Variants in BAZ2B observed in about 807,000 individuals in gnomAD.
BAZ2B encodes bromodomain adjacent to zinc finger domain 2B.
Under a neutral mutation model 246.0 loss-of-function variants are expected in BAZ2B, and 91 were observed. The observed-to-expected ratio is 0.37, with a 90% CI of 0.31 to 0.44. BAZ2B has a LOEUF of 0.44. BAZ2B is among the 20% of genes least tolerant of loss of function. BAZ2B has a pLI of 1.00. For missense variants in BAZ2B, 2,332 were observed against 2,533.7 expected (o/e 0.92, Z 1.71); for synonymous variants, 855 against 860.0 (o/e 0.99, Z 0.10).
intron 13 of BAZ2B, among the ~76,000 whole-genome samples, chr2:159,427,103 G>A (rs777122010): frequency 6.6e-6 from 1 of 152,076 alleles, no homozygotes; most frequent in Non-Finnish European, 1.5e-5. Flanking sequence ...AGATAACAAA[G>A]TGGATGGAAA....
At chr2:159,527,357 T>C (rs1438061575) in intron 2 of BAZ2B, among the ~76,000 whole-genome samples, 1 of 152,230 alleles carries the variant, frequency 6.6e-6, no homozygotes, top group Non-Finnish European at 1.5e-5. Context: ...AAGAGTCCTT[T>C]GTCAGATAAG....
In BAZ2B at chr2:159,337,612, A is replaced by G; in HGVS notation, c.5615T>C (p.Ile1872Thr). The G allele has an allele frequency of 2.5e-6, 4 of 1,614,180 alleles. No homozygotes were observed. The highest frequency in any genetic ancestry group is 2.5e-6 in the Non-Finnish European group (3 of 1,180,020). ...LERKSDNPLDIAVTRLADLER... is the reference protein window; with the variant it reads ...LERKSDNPLDTAVTRLADLER... ...CAAATCAGCCAGCCTGGTTACAGCT[A>G]TATCTAGGGGGTTGTCACTCTTCCG... Residue 1872 changes from isoleucine (I) to threonine (T), a missense_variant, in exon 32 of 37, where the codon ATA (isoleucine) becomes ACA (threonine). Ile to Thr is a moderately conservative substitution (Grantham distance 89). This residue lies in a region of BAZ2B where 8 missense variants were observed against 26.8 expected (regional missense o/e 0.30). Coordinates refer to ENST00000392783, the MANE Select transcript of BAZ2B (RefSeq NM_013450.4).
In BAZ2B at chr2:159,363,419, G is replaced by A. The variant is rs561784279; in HGVS notation, c.4213+9626C>T. On this transcript the variant is annotated intron_variant, in intron 27 of 36. Transcript: ENST00000392783. ...TTGGTGCAGAGAATGTTGGATGACC[G>A]AATCAGAGCAGGTCCTCCTAAGTGG... Among the ~76,000 whole-genome samples the A allele has an allele frequency of 9.9e-5, 15 of 152,276 alleles. 1 individual carries two copies. In the South Asian group the frequency reaches 2.9e-3, roughly 29 times the overall value.
chr2:159,375,152 G>C (rs1176690593), intron 25 of BAZ2B, among the ~76,000 whole-genome samples: 1 of 152,138 alleles, frequency 6.6e-6, no homozygotes, highest in Non-Finnish European at 1.5e-5. Context: ...AGGCTGCAGT[G>C]AGCTATGATC....
Position 159,332,698 on chromosome 2 carries a change from G to GA in BAZ2B, c.5797-13dup. ...CAGATTTGGCAGTACTATAATACAT[G>GA]AAAAATCATTTAAAATTAACGCTCT... On this transcript the variant is annotated splice_polypyrimidine_tract_variant and intron_variant, in intron 33 of 36. Transcript: ENST00000392783. 5 of 1,611,360 alleles carry GA rather than the reference G, an allele frequency of 3.1e-6. No homozygotes were observed. The highest frequency in any genetic ancestry group is 1.7e-4 in the Middle Eastern group (1 of 6,036).
At chr2:159,373,222 G>C in intron 26 of BAZ2B, 33 bp from the exon 27 acceptor site, 1 of 1,577,810 alleles carries the variant, frequency 6.3e-7, no homozygotes, top group Non-Finnish European at 8.6e-7. Context: ...AATTAGGTTT[G>C]GGATGTTAAA....
chr2:159,534,096 G>C (rs1391700172), intron 2 of BAZ2B, among the ~76,000 whole-genome samples: 1 of 152,102 alleles, frequency 6.6e-6, no homozygotes, highest in Non-Finnish European at 1.5e-5. Context: ...TAAAAACCTT[G>C]TATCTATTCC....
chr2:159,495,356 G>A (rs1440664407), intron 2 of BAZ2B, among the ~76,000 whole-genome samples: 2 of 148,766 alleles, frequency 1.3e-5, no homozygotes, highest in Admixed American at 6.7e-5. Context: ...GTAGTGGCGG[G>A]CGCCTGTAGT....
chr2:159,669,141 A>G, the BAZ2B span, among the ~76,000 whole-genome samples: 1 of 152,016 alleles, frequency 6.6e-6, no homozygotes, highest in African/African-American at 2.4e-5. Context: ...TCAAGTTTTG[A>G]TCTGTTGTAT....
At chr2:159,338,574 CA>C (rs2066061966) in intron 31 of BAZ2B, among the ~76,000 whole-genome samples, 1 of 152,258 alleles carries the variant, frequency 6.6e-6, no homozygotes, top group East Asian at 1.9e-4. Flanking sequence ...CAAAATCCTT[CA>C]AAGATTTCCT....
At chr2:159,349,526 A>T (rs751438113) in intron 28 of BAZ2B, among the ~76,000 whole-genome samples, 182 bp downstream of exon 28, 11 of 152,250 alleles carry the variant, frequency 7.2e-5, no homozygotes, top group Non-Finnish European at 1.0e-4. Flanking sequence ...GAAGACTTAG[A>T]CAAAGTCTAG....
intron 1 of BAZ2B, among the ~76,000 whole-genome samples, chr2:159,566,765 ATTT>A (rs982252243): frequency 1.3e-5 from 2 of 152,182 alleles, no homozygotes; most frequent in African/African-American, 2.4e-5. Context: ...ACACATTTGC[ATTT>A]TTAACTTTTC....
chr2:159,458,901 G>A (rs2076099811), intron 3 of BAZ2B: 1 of 152,044 alleles, frequency 6.6e-6, no homozygotes, highest in South Asian at 2.1e-4. Flanking sequence ...GATCTTTGAG[G>A]CAAAAACTGC....
In BAZ2B at chr2:159,497,845, C is replaced by T. The variant is rs572884360; in HGVS notation, c.-2-19124G>A. Among the ~76,000 whole-genome samples, 11 of 152,278 alleles carry T rather than the reference C, an allele frequency of 7.2e-5. No individual in the cohort carries two copies. The East Asian group carries it at 1.9e-3, about 27-fold the overall frequency. On this transcript the variant is annotated intron_variant, in intron 2 of 36. Coordinates refer to ENST00000392783, the MANE Select transcript of BAZ2B (RefSeq NM_013450.4). ...TGATGCTTGTCTTTTCTCATGTTCA[C>T]TCATGCTACTTACACCACTGAGACA...
At chr2:159,595,211 T>C (rs1011454144) in intron 1 of BAZ2B, among the ~76,000 whole-genome samples, 1 of 152,088 alleles carries the variant, frequency 6.6e-6, no homozygotes, top group Non-Finnish European at 1.5e-5. Context: ...CAAGCGATTC[T>C]CCTGCCTCAT....
intron 25 of BAZ2B, 89 bp from the exon 26 acceptor site, chr2:159,374,842 C>T: frequency 8.8e-7 from 1 of 1,130,786 alleles, no homozygotes; most frequent in Non-Finnish European, 1.3e-6. Flanking sequence ...CCTATAGGCA[C>T]TGCGGAAAGG....
rs1485391847 is a variant in BAZ2B at position 159,552,771 on chromosome 2, C to A, written c.-3+3052G>T. On this transcript the variant is annotated intron_variant, in intron 2 of 36. Coordinates refer to ENST00000392783, the MANE Select transcript of BAZ2B (RefSeq NM_013450.4). ...TTGCCAACAAACATTTGCTGAGTAT[C>A]GTAAGATGTGTATTAAAATAAGTAC... 4.6e-5 allele frequency among the ~76,000 whole-genome samples: 7 copies of A among 152,048 alleles called. 1 individual carries two copies. In the South Asian group the frequency reaches 1.5e-3, roughly 32 times the overall value.
At chr2:159,327,621 A>G (rs1399453389) in intron 34 of BAZ2B, among the ~76,000 whole-genome samples, 1 of 152,230 alleles carries the variant, frequency 6.6e-6, no homozygotes, top group Non-Finnish European at 1.5e-5. Context: ...AATGAAGAAA[A>G]AGTCCATTTA....
chr2:159,477,490 A>G (rs915059700), intron 3 of BAZ2B, among the ~76,000 whole-genome samples: 82 of 152,124 alleles, frequency 5.4e-4, no homozygotes, highest in Non-Finnish European at 1.0e-3. Flanking sequence ...TTGGAAAAAC[A>G]AAAATAAATG....
Sources: gnomAD v4.1 joint callset for allele counts (sites outside exome capture counted in the v4.1 genomes callset) on GRCh38, gnomAD v4.1.1 for gene constraint, gnomAD v4.1.1 regional missense constraint, MANE v1.5 for transcripts, NCBI Gene and HGNC (gene_info 2026-07-23, HGNC 2026-07-21) for gene names.